The following DAP variants were observed in gnomAD, a reference collection of about 807,000 sequenced individuals.
DAP encodes death-associated protein 1.
Under a neutral mutation model 13.8 loss-of-function variants are expected in DAP, and 8 were observed. The ratio of observed to expected loss-of-function variants is 0.58; its 90% CI spans 0.34 to 1.05. The LOEUF (loss-of-function observed/expected upper bound fraction) is 1.05, where lower values mean the gene tolerates loss of function less well. DAP is among the 50% of genes least tolerant of loss of function. DAP has a pLI of 0.03. For missense variants in DAP, 106 were observed against 133.2 expected (o/e 0.80, Z 1.01); for synonymous variants, 47 against 47.5 (o/e 0.99, Z 0.04).
chr5:10,713,172 G>T (rs954067948), intron 2 of DAP, among the ~76,000 whole-genome samples: 1 of 152,040 alleles, frequency 6.6e-6, no homozygotes, highest in Non-Finnish European at 1.5e-5. Flanking sequence ...CTCCATAATC[G>T]ATTCCTAGGA....
chr5:10,737,914 A>C (rs969316003), intron 2 of DAP, among the ~76,000 whole-genome samples: 12 of 152,238 alleles, frequency 7.9e-5, no homozygotes. Context: ...GAAAAGGGGA[A>C]ATTTGGACAC....
At chr5:10,726,300 T>C (rs1013431341) in intron 2 of DAP, among the ~76,000 whole-genome samples, 2 of 152,260 alleles carry the variant, frequency 1.3e-5, no homozygotes, top group Non-Finnish European at 2.9e-5. Context: ...ACAGTGTTCA[T>C]ACATTTCTGA....
At chr5:10,716,169 T>C (rs759784706) in intron 2 of DAP, among the ~76,000 whole-genome samples, 1 of 152,094 alleles carries the variant, frequency 6.6e-6, no homozygotes, top group Non-Finnish European at 1.5e-5. Flanking sequence ...GACACAGACA[T>C]TGAGCTCCAT....
chr5:10,681,110 G>T lies in DAP; in HGVS notation c.255C>A (p.Ser85=). Reference sequence around the variant, plus strand: ...TTCTTGGGGAAGGATGCTTGTCCATGGAGGCATGCGGCTTCTGGTGAGCCA... The same window carrying T: ...TTCTTGGGGAAGGATGCTTGTCCATTGAGGCATGCGGCTTCTGGTGAGCCA... ...AQVAHQKPHA[S]MDKHPSPRTQ... is the part of the protein sequence containing the mutation. The change falls in exon 4 of 4, where the codon TCC becomes TCA. Residue 85 remains serine, a synonymous_variant. Transcript: ENST00000230895. The T allele has an allele frequency of 6.4e-7, 1 of 1,570,514 alleles. No homozygotes were observed.
chr5:10,743,132 T>A (rs1739803175), intron 2 of DAP, among the ~76,000 whole-genome samples: 2 of 152,254 alleles, frequency 1.3e-5, no homozygotes, highest in South Asian at 4.1e-4. Context: ...TGCTAAACCA[T>A]GCCCCTTAAG....
intron 2 of DAP, among the ~76,000 whole-genome samples, chr5:10,735,638 T>A (rs747581781): frequency 4.6e-5 from 7 of 152,204 alleles, no homozygotes; most frequent in Admixed American, 1.3e-4. Context: ...ATGGAGTGTG[T>A]GATCAAATTT....
At chr5:10,691,582 G>A (rs1425535642) in intron 2 of DAP, among the ~76,000 whole-genome samples, 3 of 152,188 alleles carry the variant, frequency 2.0e-5, no homozygotes, top group Non-Finnish European at 2.9e-5. Flanking sequence ...TAGCTGCTTT[G>A]AGGATTTATT....
chr5:10,718,391 G>T (rs1292903327), intron 2 of DAP, among the ~76,000 whole-genome samples: 1 of 152,180 alleles, frequency 6.6e-6, no homozygotes, highest in Non-Finnish European at 1.5e-5. Context: ...CCCCAACATT[G>T]ACTCCCTGAC....
intron 2 of DAP, among the ~76,000 whole-genome samples, chr5:10,733,041 C>G (rs1454545406): frequency 6.6e-6 from 1 of 152,130 alleles, no homozygotes; most frequent in South Asian, 2.1e-4. Context: ...TAGAATCATG[C>G]AGTACTTTTC....
At chr5:10,757,232 A>G (rs975318423) in intron 1 of DAP, among the ~76,000 whole-genome samples, 20 of 151,704 alleles carry the variant, frequency 1.3e-4, no homozygotes, top group Non-Finnish European at 2.8e-4. Flanking sequence ...CCACTAGGTC[A>G]CTAGCTCAGG....
chr5:10,721,480 T>C (rs572633231), intron 2 of DAP, among the ~76,000 whole-genome samples: 4 of 152,282 alleles, frequency 2.6e-5, no homozygotes, highest in African/African-American at 4.8e-5. Context: ...GCTGGGGTGA[T>C]TGACCCAGAC....
intron 2 of DAP, among the ~76,000 whole-genome samples, chr5:10,742,548 C>A (rs548928704): frequency 1.3e-5 from 2 of 152,232 alleles, no homozygotes; most frequent in African/African-American, 4.8e-5. Context: ...ACAAAAAAAT[C>A]TAATACTATC....
chr5:10,726,862 C>A (rs916616098), intron 2 of DAP, among the ~76,000 whole-genome samples: 1 of 152,138 alleles, frequency 6.6e-6, no homozygotes, highest in Admixed American at 6.6e-5. Flanking sequence ...TTGCTAAGTG[C>A]CAGTCCCCAC....
At chr5:10,749,178 T>C (rs1243960142) in intron 1 of DAP, among the ~76,000 whole-genome samples, 1 of 152,282 alleles carries the variant, frequency 6.6e-6, no homozygotes, top group Non-Finnish European at 1.5e-5. Context: ...TTCTATTGCA[T>C]GGATGTATCA....
intron 2 of DAP, among the ~76,000 whole-genome samples, chr5:10,689,369 C>T (rs532704047): frequency 1.3e-5 from 2 of 152,266 alleles, no homozygotes; most frequent in South Asian, 4.1e-4. Flanking sequence ...GTAAGAATGA[C>T]CCTCCCCCCA....
chr5:10,744,836 G>A (rs1739861337), intron 2 of DAP, among the ~76,000 whole-genome samples: 1 of 152,238 alleles, frequency 6.6e-6, no homozygotes, highest in Admixed American at 6.5e-5. Flanking sequence ...AAAGCCTCGT[G>A]GAGCAGCGTA....
At chr5:10,699,560 G>A (rs1011674452) in intron 2 of DAP, among the ~76,000 whole-genome samples, 7 of 152,232 alleles carry the variant, frequency 4.6e-5, no homozygotes, top group Admixed American at 1.3e-4. Flanking sequence ...CTATTTTGAT[G>A]TGGCCGGTCT....
intron 2 of DAP, among the ~76,000 whole-genome samples, chr5:10,698,563 A>C (rs1163850870): frequency 6.6e-6 from 1 of 152,084 alleles, no homozygotes; most frequent in Non-Finnish European, 1.5e-5. Context: ...GTCTTCACTC[A>C]CTCCCTGATA....
intron 2 of DAP, among the ~76,000 whole-genome samples, chr5:10,709,266 T>C (rs947096210): frequency 6.6e-6 from 1 of 152,254 alleles, no homozygotes. Context: ...TCAGGACGTG[T>C]ACATGCATTC....
Sources: gnomAD v4.1 joint callset for allele counts (sites outside exome capture counted in the v4.1 genomes callset) on GRCh38, gnomAD v4.1.1 for gene constraint, MANE v1.5 for transcripts, NCBI Gene and HGNC (gene_info 2026-07-23, HGNC 2026-07-21) for gene names.